RPA1: variants seen among roughly 807,000 people sequenced by gnomAD.
The protein encoded by RPA1 is replication protein A 70 kDa DNA-binding subunit.
RPA1 carries 49 observed loss-of-function variants against 83.0 expected under a neutral mutation model. That is an observed-to-expected ratio of 0.59 (90% CI 0.47 to 0.75). The LOEUF (loss-of-function observed/expected upper bound fraction) is 0.75, where lower values mean the gene tolerates loss of function less well. Among genes scored for constraint, RPA1 ranks in the 30% least tolerant of loss-of-function variants. The pLI, the probability that RPA1 is intolerant of heterozygous loss-of-function variation, is 0.00. For synonymous variants in RPA1, 279 were observed against 281.8 expected (o/e 0.99, Z 0.10); for missense variants, 693 against 776.1 (o/e 0.89, Z 1.27).
At chr17:1,844,479 T>C in intron 3 of RPA1, 99 bp from the exon 4 acceptor site, 1 of 801,740 alleles carries the variant, frequency 1.2e-6, no homozygotes, top group Non-Finnish European at 2.0e-6. Flanking sequence ...TTCAGGAGCA[T>C]ATGTAAGGCA....
intron 1 of RPA1, among the ~76,000 whole-genome samples, chr17:1,839,917 C>T (rs534307640): frequency 6.6e-4 from 98 of 148,852 alleles, no homozygotes; most frequent in African/African-American, 2.1e-3. Flanking sequence ...CTCAGCCTCT[C>T]GAGTAGCTGG....
chr17:1,864,688 CAGGAGTTCA>C lies in RPA1; in HGVS notation c.362-7743_362-7735del, dbSNP rs557645536. Among the ~76,000 whole-genome samples the C allele has an allele frequency of 5.3e-3, 811 of 152,038 alleles. 5 individuals are homozygous for C. The highest frequency in any genetic ancestry group is 8.6e-3 in the Non-Finnish European group (585 of 68,004). ...GGACCTTAGGTGGATCACCTGAGGT[CAGGAGTTCA>C]AGACCAGCCTGGCCAACATGGTGAA... is the stretch of plus-strand genomic sequence containing the variant. On this transcript the variant is annotated intron_variant, in intron 5 of 16. Coordinates refer to ENST00000254719, the MANE Select transcript of RPA1 (RefSeq NM_002945.5).
At chr17:1,882,665 A>G (rs999050491) in intron 12 of RPA1, among the ~76,000 whole-genome samples, 1 of 152,198 alleles carries the variant, frequency 6.6e-6, no homozygotes, top group African/African-American at 2.4e-5. Context: ...ACTCTGTCTC[A>G]AAACAAAAAA....
chr17:1,841,324 G>T (rs1912037948), intron 1 of RPA1, among the ~76,000 whole-genome samples: 2 of 151,994 alleles, frequency 1.3e-5, no homozygotes, highest in Admixed American at 1.3e-4. Context: ...TTTATTTTGA[G>T]AGGGAGCCTC....
chr17:1,831,245 G>C (rs1011173643), intron 1 of RPA1, among the ~76,000 whole-genome samples: 3 of 152,050 alleles, frequency 2.0e-5, no homozygotes, highest in African/African-American at 7.2e-5. Context: ...CTAAGTCTGG[G>C]CCTCTTGATC....
At chr17:1,870,250 G>A (rs1489518691) in intron 5 of RPA1, among the ~76,000 whole-genome samples, 1 of 152,182 alleles carries the variant, frequency 6.6e-6, no homozygotes, top group Non-Finnish European at 1.5e-5. Flanking sequence ...TCAAGAAAGG[G>A]TAGCTGTAAT....
intron 4 of RPA1, among the ~76,000 whole-genome samples, chr17:1,846,248 A>T (rs76620906): frequency 6.7e-6 from 1 of 148,438 alleles, no homozygotes; most frequent in South Asian, 2.1e-4. Context: ...CTGGCATTGA[A>T]TGTTGATCTG....
chr17:1,871,509 AG>A (rs2151283571), intron 5 of RPA1, among the ~76,000 whole-genome samples: 1 of 152,230 alleles, frequency 6.6e-6, no homozygotes, highest in South Asian at 2.1e-4. Context: ...AGGGCACTCT[AG>A]GAAAGTTTTT....
chr17:1,888,870 T>C lies in RPA1; in HGVS notation c.1551+19T>C. 1 of 1,607,914 alleles carries C rather than the reference T, an allele frequency of 6.2e-7. No individual in the cohort carries two copies. ...CCTGTCAGTAAGTAGCCTCGGTAGA[T>C]GAGAACCACGGTTGTGTTCACGGAG... On this transcript the variant is annotated intron_variant, in intron 14 of 16. Coordinates refer to ENST00000254719, the MANE Select transcript of RPA1 (RefSeq NM_002945.5).
At chr17:1,848,383 A>C (rs1219275961) in intron 4 of RPA1, among the ~76,000 whole-genome samples, 1 of 151,986 alleles carries the variant, frequency 6.6e-6, no homozygotes, top group African/African-American at 2.4e-5. Flanking sequence ...AGGCTGAGGC[A>C]GGCAGATCAC....
At chr17:1,832,264 G>A (rs1271789004) in intron 1 of RPA1, among the ~76,000 whole-genome samples, 2 of 152,016 alleles carry the variant, frequency 1.3e-5, no homozygotes, top group East Asian at 1.9e-4. Context: ...CACTGCCTGG[G>A]TGGTTCTTCA....
At chr17:1,835,782 T>A (rs545982117) in intron 1 of RPA1, among the ~76,000 whole-genome samples, 22 of 152,310 alleles carry the variant, frequency 1.4e-4, no homozygotes, top group African/African-American at 4.8e-4. Context: ...GTGTACTTTT[T>A]GAATCCCCCT....
rs533127388 is a variant in RPA1 at position 1,888,045 on chromosome 17, G to A, written c.1375-630G>A. ...AAGTCTTCAATCTGTAAAAAATGCC[G>A]TATCTGTCAAGTGCAGTAAAGCAAA... On this transcript the variant is annotated intron_variant, in intron 13 of 16. Coordinates refer to ENST00000254719, the MANE Select transcript of RPA1 (RefSeq NM_002945.5). Among the ~76,000 whole-genome samples, 21 of 152,194 alleles carry A rather than the reference G, an allele frequency of 1.4e-4. 1 individual carries two copies. Among genetic ancestry groups the A allele is most frequent in the South Asian group, 1.2e-3 (6 of 4,818 alleles).
intron 5 of RPA1, among the ~76,000 whole-genome samples, chr17:1,868,127 T>G (rs562800277): frequency 6.6e-6 from 1 of 151,826 alleles, no homozygotes; most frequent in African/African-American, 2.4e-5. Flanking sequence ...TATGGAAAAA[T>G]ATTCCTTTAT....
At chr17:1,860,930 C>G (rs1291797343) in intron 5 of RPA1, among the ~76,000 whole-genome samples, 1 of 152,174 alleles carries the variant, frequency 6.6e-6, no homozygotes, top group African/African-American at 2.4e-5. Context: ...AATCAGAGAG[C>G]TGCATTTAGT....
intron 2 of RPA1, among the ~76,000 whole-genome samples, chr17:1,843,637 T>TA: frequency 6.7e-6 from 1 of 149,350 alleles, no homozygotes; most frequent in Non-Finnish European, 1.5e-5. Context: ...TTATTATTAT[T>TA]TTGGTAATTG....
chr17:1,869,326 C>T (rs960467080), intron 5 of RPA1, among the ~76,000 whole-genome samples: 2 of 152,116 alleles, frequency 1.3e-5, no homozygotes, highest in Non-Finnish European at 2.9e-5. Flanking sequence ...CACCTGAGGT[C>T]AGGAGTTTGA....
chr17:1,830,332 C>G (rs1911492790), intron 1 of RPA1, among the ~76,000 whole-genome samples: 1 of 152,208 alleles, frequency 6.6e-6, no homozygotes, highest in Non-Finnish European at 1.5e-5. Context: ...TTAAAACATG[C>G]TCACATTTTT....
At chr17:1,853,410 C>T (rs1056037867) in intron 5 of RPA1, among the ~76,000 whole-genome samples, 3 of 152,134 alleles carry the variant, frequency 2.0e-5, no homozygotes, top group East Asian at 1.9e-4. Context: ...GTTGGGTGCA[C>T]GGTGGCTCAC....
Sources: allele counts gnomAD v4.1 joint callset (sites outside exome capture counted in the v4.1 genomes callset), GRCh38; gene constraint gnomAD v4.1.1; transcripts MANE v1.5; gene names NCBI Gene and HGNC (gene_info 2026-07-23, HGNC 2026-07-21).